Variants in NEIL1 observed in about 807,000 individuals in gnomAD.
NEIL1 encodes endonuclease 8-like 1.
Under a neutral mutation model 44.2 loss-of-function variants are expected in NEIL1, and 31 were observed. The ratio of observed to expected loss-of-function variants is 0.70; its 90% CI spans 0.53 to 0.95. NEIL1 has a LOEUF of 0.95. NEIL1 is among the 40% of genes least tolerant of loss of function. The pLI, the probability that NEIL1 is intolerant of heterozygous loss-of-function variation, is 0.00. For synonymous variants in NEIL1, 254 were observed against 209.7 expected, an observed-to-expected ratio of 1.21 and a Z score of -1.83; for missense variants, 549 against 515.5, an observed-to-expected ratio of 1.07 and a Z score of -0.63.
At chr15:75,354,599 C>T (rs1288520621) in intron 8 of NEIL1, 54 bp from the exon 9 acceptor site, 1 of 1,613,432 alleles carries the variant, frequency 6.2e-7, no homozygotes, top group Non-Finnish European at 8.5e-7. Flanking sequence ...GGGCCCTAAC[C>T]AACCTCTGAA....
At chr15:75,349,601 G>A (rs1199920628) in intron 2 of NEIL1, 2 of 496,576 alleles carry the variant, frequency 4.0e-6, no homozygotes, top group African/African-American at 3.8e-5. Context: ...AGATCACGAG[G>A]TCAGGAGTTC....
chr15:75,356,399 G>A lies in NEIL1; in HGVS notation c.*1365G>A, dbSNP rs757374453. 1.9e-6 allele frequency: 3 copies of A among 1,610,712 alleles called. No homozygotes were observed. The highest frequency in any genetic ancestry group is 1.3e-5 in the African/African-American group (1 of 75,030). ...CTGGGGGCTGGCAGAGCCAACAGGG[G>A]GAAGTTTAGGCTGTAGGCAGCTTGG... On this transcript the variant is annotated 3_prime_UTR_variant, in exon 10 of 10. Coordinates refer to ENST00000355059, the MANE Select transcript of NEIL1 (RefSeq NM_024608.4). This position sits in a 1 kb window ranked among gnomAD's most constrained non-coding sequence, Gnocchi z 5.8.
rs1209910349 is a variant in NEIL1, at chr15:75,348,253, G to C, written c.-22-631G>C. The C allele has an allele frequency of 5.5e-6, 5 of 913,156 alleles. No homozygotes were observed. In the African/African-American group the frequency reaches 9.0e-5, roughly 16 times the overall value. The allele number at this position is 913,156 out of a possible 1,614,324, so 56.6% of individuals were successfully genotyped here. ...ATGTCCGGTCCGTGGGGCAGGCCCG[G>C]TTCTCGCTGCGGCCAAGCGGCCGAT... On this transcript the variant is annotated intron_variant, in intron 1 of 9. Transcript: ENST00000355059.
intron 1 of NEIL1, chr15:75,348,406 C>T: frequency 7.0e-6 from 7 of 1,004,742 alleles, no homozygotes; most frequent in Non-Finnish European, 8.3e-6. Flanking sequence ...CCACGCGATC[C>T]TAAGACCCTT....
intron 3 of NEIL1, 40 bp from the exon 4 acceptor site, chr15:75,352,284 T>C (rs2071970175): frequency 6.2e-7 from 1 of 1,613,870 alleles, no homozygotes; most frequent in Admixed American, 1.7e-5. Flanking sequence ...GTGCCCACAT[T>C]CCCCACTGCC....
rs1452793898 is a variant in NEIL1, at chr15:75,347,043, G to A, written c.-453G>A. On this transcript the variant is annotated 5_prime_UTR_variant, in exon 1 of 10. Transcript: ENST00000355059. Reference sequence around the variant, plus strand: ...GGCGGTTCCTTCCGCCGGACACGTCGGGTTTCCTCGTTTTTGCGGACTGGC... The same window carrying A: ...GGCGGTTCCTTCCGCCGGACACGTCAGGTTTCCTCGTTTTTGCGGACTGGC... The A allele has an allele frequency of 6.6e-6, 1 of 152,202 alleles. No homozygotes were observed. Among genetic ancestry groups the A allele is most frequent in the African/African-American group, 2.4e-5 (1 of 41,452 alleles). 9.4% of individuals were successfully genotyped at this position (152,202 alleles called of 1,614,324 possible).
rs753734946 is a variant in NEIL1 at position 75,349,325 on chromosome 15, G to A, written c.420G>A (p.Glu140=). The change falls in exon 2 of 10, where the codon GAG becomes GAA. Residue 140 remains glutamate (E), a synonymous_variant. Transcript: ENST00000355059. ...QPGRGPCVLQ[E]YQQFRENVLR... The stretch of plus-strand genomic sequence containing the variant: ...GCCGCGGGCCCTGTGTCTTGCAGGA[G>A]TACCAGCAGTTCAGGTAGGGCCAGC... The A allele has an allele frequency of 1.2e-6, 2 of 1,606,574 alleles. No individual in the cohort carries two copies. Among genetic ancestry groups the A allele is most frequent in the Non-Finnish European group, 8.5e-7 (1 of 1,176,402 alleles).
rs2072284471 is a variant in NEIL1 at position 75,356,097 on chromosome 15, C to T, written c.*1063C>T. On this transcript the variant is annotated 3_prime_UTR_variant, in exon 10 of 10. Transcript: ENST00000355059. The surrounding 1 kb of genome is among the most constrained non-coding windows in gnomAD (Gnocchi z 5.8). ...AGACTCGACCCCCGCCCCAATCCCA[C>T]ACCGCCACTCACAGGATGGCCTCCT... The T allele has an allele frequency of 6.2e-6, 10 of 1,613,822 alleles. No individual in the cohort carries two copies. The highest frequency in any genetic ancestry group is 7.6e-6 in the Non-Finnish European group (9 of 1,179,928).
chr15:75,352,223 C>T lies in NEIL1; in HGVS notation c.547C>T (p.Leu183=). The T allele has an allele frequency of 6.2e-7, 1 of 1,614,256 alleles. No homozygotes were observed. The highest frequency in any genetic ancestry group is 1.1e-5 in the South Asian group (1 of 91,088). The stretch of plus-strand genomic sequence containing the variant: ...TGGCAACTATCTGCGGGCAGAGATC[C>T]TGTACCGGTCAGCAAGCAGGCATGG... ...GIGNYLRAEI[L]YRLKIPPFEK... The change falls in exon 3 of 10, where the codon CTG becomes TTG. Residue 183 remains leucine (L), a synonymous_variant. Transcript: ENST00000355059.
Position 75,355,060 on chromosome 15 carries a change from A to G in NEIL1, c.*26A>G, listed in dbSNP as rs1262882036. 2.5e-6 allele frequency: 4 copies of G among 1,604,076 alleles called. No individual in the cohort carries two copies. The highest frequency in any genetic ancestry group is 3.4e-6 in the Non-Finnish European group (4 of 1,173,862). On this transcript the variant is annotated 3_prime_UTR_variant, in exon 10 of 10. Coordinates refer to ENST00000355059, the MANE Select transcript of NEIL1 (RefSeq NM_024608.4). ...CAGGAGGCTCTCCTTGCTTGCACTC[A>G]CCCTTTCTTATTGTCTTGCCCTGCA... is the stretch of plus-strand genomic sequence containing the variant.
chr15:75,354,622 C>T, intron 8 of NEIL1, 31 bp from the exon 9 acceptor site: 1 of 1,613,852 alleles, frequency 6.2e-7, no homozygotes, highest in Non-Finnish European at 8.5e-7. Context: ...GCTTTCTGAG[C>T]CCCTCAGGGA....
At position 75,354,642 on chromosome 15, in the gene NEIL1, C is replaced by T. The variant is rs1316042493; in HGVS notation, c.937-11C>T. 3.1e-6 allele frequency: 5 copies of T among 1,613,958 alleles called. No homozygotes were observed. Among genetic ancestry groups the T allele is most frequent in the Non-Finnish European group, 4.2e-6 (5 of 1,179,972 alleles). ...CTGAGCCCCTCAGGGACCCGTGTCT[C>T]CTCCATCCAGGACGCTTTGCCTCCA... On this transcript the variant is annotated splice_polypyrimidine_tract_variant and intron_variant, in intron 8 of 9. Coordinates refer to ENST00000355059, the MANE Select transcript of NEIL1 (RefSeq NM_024608.4).
chr15:75,351,241 T>TA, intron 2 of NEIL1: 1 of 449,684 alleles, frequency 2.2e-6, no homozygotes, highest in Non-Finnish European at 4.4e-6. Context: ...TCTGAGGTGA[T>TA]AAACACACAA....
At position 75,355,154 on chromosome 15, in the gene NEIL1, G is replaced by A. The variant is rs1427162849; in HGVS notation, c.*120G>A. 1.4e-6 allele frequency: 1 copy of A among 739,920 alleles called. No homozygotes were observed. 45.8% of individuals were successfully genotyped at this position (739,920 alleles called of 1,614,324 possible). A position where few individuals can be genotyped will look rare whatever the true frequency, so the allele number is the denominator to read the frequency against. ...CAAACAGGCCCTACGGCTGTTCCCT[G>A]CACAACTCTCATGGTTTTAATTGTA... On this transcript the variant is annotated 3_prime_UTR_variant, in exon 10 of 10. Transcript: ENST00000355059.
intron 4 of NEIL1, 44 bp from the exon 5 acceptor site, chr15:75,352,558 A>G (rs1265537761): frequency 1.3e-6 from 2 of 1,584,264 alleles, no homozygotes; most frequent in Non-Finnish European, 1.7e-6. Context: ...CTGCCTTTAC[A>G]TGGCCCTGCT....
intron 9 of NEIL1, 54 bp downstream of exon 9, chr15:75,354,872 G>C (rs1567261419): frequency 1.2e-6 from 2 of 1,612,974 alleles, no homozygotes; most frequent in East Asian, 4.5e-5. Flanking sequence ...GGATGGGATG[G>C]TGGCCTAGGA....
chr15:75,348,083 T>C, intron 1 of NEIL1: 2 of 980,184 alleles, frequency 2.0e-6, no homozygotes, highest in South Asian at 4.5e-5. Flanking sequence ...GCCCTTTCCC[T>C]CCCCCAGGCC....
Position 75,354,680 on chromosome 15 carries a change from T to C in NEIL1, c.964T>C (p.Ser322Pro). 1 of 1,614,100 alleles carries C rather than the reference T, an allele frequency of 6.2e-7. No individual in the cohort carries two copies. The highest frequency in any genetic ancestry group is 8.5e-7 in the Non-Finnish European group (1 of 1,180,016). ...CGCTTTGCCTCCAAGCAAGGCCCCT[T>C]CCAGGACACGAAGGGCAAAGAGAGA... ...EDALPPSKAPSRTRRAKRDLP... is the reference protein window; with the variant it reads ...EDALPPSKAPPRTRRAKRDLP... The change falls in exon 9 of 10, where the codon TCC (serine) becomes CCC (proline). Residue 322 changes from serine (S) to proline (P), a missense_variant. Transcript: ENST00000355059.
chr15:75,349,419 G>C (rs2071709472), intron 2 of NEIL1, 80 bp downstream of exon 2: 6 of 1,374,598 alleles, frequency 4.4e-6, no homozygotes, highest in Middle Eastern at 1.9e-4. Context: ...GCCAACAAGG[G>C]GCGAGTCCCT....
Sources: allele counts gnomAD v4.1 joint callset, GRCh38; gene constraint gnomAD v4.1.1; non-coding constraint Gnocchi (gnomAD v3.1); transcripts MANE v1.5; gene names NCBI Gene and HGNC (gene_info 2026-07-23, HGNC 2026-07-21).